APPL2: variants seen among roughly 807,000 people sequenced by gnomAD.
APPL2 encodes the protein DCC-interacting protein 13-beta.
Under a neutral mutation model 92.7 loss-of-function variants are expected in APPL2, and 84 were observed. The observed-to-expected ratio is 0.91, with a 90% CI of 0.76 to 1.09. The LOEUF is 1.09. Among genes scored for constraint, APPL2 ranks in the 50% least tolerant of loss-of-function variants. The probability of loss-of-function intolerance (pLI) is 0.00; values close to 1 mark genes in which losing one functional copy is unlikely to be tolerated. For synonymous variants in APPL2, 291 were observed against 291.0 expected (o/e 1.00, Z 0.00); for missense variants, 736 against 824.5 (o/e 0.89, Z 1.31).
At chr12:105,221,225 G>A (rs76168880) in intron 2 of APPL2, among the ~76,000 whole-genome samples, 77 of 152,290 alleles carry the variant, frequency 5.1e-4, no homozygotes, top group South Asian at 1.2e-3. Context: ...ACTGGAGCCC[G>A]AGTGAGGAGT....
Position 105,177,226 on chromosome 12 carries a change from A to G in APPL2, c.1671T>C (p.Asn557=). 3.7e-6 allele frequency: 6 copies of G among 1,613,988 alleles called. No individual in the cohort carries two copies. Among genetic ancestry groups the G allele is most frequent in the East Asian group, 2.2e-5 (1 of 44,866 alleles). ...ACATGAACCTGTATGCGGTACTTAC[A>G]TTGGCCCTTGATACTTGAGTCTGTG... ...IDPQTQVSRA[N]FELTSVTQFA... The change falls in exon 18 of 21, where the codon AAT becomes AAC. Residue 557 remains asparagine (N), a splice_region_variant and synonymous_variant. Coordinates refer to ENST00000258530, the MANE Select transcript of APPL2 (RefSeq NM_018171.5).
At chr12:105,206,084 T>C (rs1354954904) in intron 8 of APPL2, among the ~76,000 whole-genome samples, 1 of 152,252 alleles carries the variant, frequency 6.6e-6, no homozygotes, top group African/African-American at 2.4e-5. Context: ...CCATTTGCCC[T>C]GAGAGTACTG....
chr12:105,189,710 T>C, intron 16 of APPL2, 62 bp downstream of exon 16: 2 of 1,519,166 alleles, frequency 1.3e-6, no homozygotes, highest in Admixed American at 1.7e-5. Flanking sequence ...TCACATCTTA[T>C]TTCAATGGCC....
chr12:105,210,937 C>T lies in APPL2; in HGVS notation c.373+293G>A, dbSNP rs535550947. ...AGATCACCTTCTTCAGGAAGCCGTC[C>T]CTAGCACGCCTTTCTGTGTGCTGTT... On this transcript the variant is annotated intron_variant, in intron 5 of 20. Coordinates refer to ENST00000258530, the MANE Select transcript of APPL2 (RefSeq NM_018171.5). Among the ~76,000 whole-genome samples the T allele has an allele frequency of 1.0e-3, 158 of 152,252 alleles. 3 individuals are homozygous for T. The highest frequency in any genetic ancestry group is 6.8e-3 in the Middle Eastern group (2 of 294).
intron 17 of APPL2, among the ~76,000 whole-genome samples, chr12:105,183,634 T>C (rs575567949): frequency 6.6e-6 from 1 of 152,346 alleles, no homozygotes; most frequent in South Asian, 2.1e-4. Context: ...CCGCCGTTAG[T>C]CTGATGGGTT....
chr12:105,236,121 G>A lies in APPL2; in HGVS notation c.-109C>T, dbSNP rs897809148. The A allele has an allele frequency of 9.3e-5, 75 of 802,424 alleles. No individual in the cohort carries two copies. In the African/African-American group the frequency reaches 1.3e-3, roughly 14 times the overall value. 49.7% of individuals were successfully genotyped at this position (802,424 alleles called of 1,614,324 possible). ...GCTCAGGCGACGCGGCGGCCACTCC[G>A]TGCCCGCGGCGGCCCCGCGCGCGTC... On this transcript the variant is annotated 5_prime_UTR_variant, in exon 1 of 21. In the 5' UTR this introduces an upstream ATG that the reference lacks. Transcript: ENST00000258530.
At chr12:105,188,558 C>A in intron 16 of APPL2, 111 bp from the exon 17 acceptor site, 1 of 1,154,706 alleles carries the variant, frequency 8.7e-7, no homozygotes, top group Non-Finnish European at 1.2e-6. Flanking sequence ...GGACTTTCTA[C>A]CAAAATTTCT....
At chr12:105,195,374 T>A (rs1887550067) in intron 13 of APPL2, 25 bp from the exon 14 acceptor site, 1 of 1,614,074 alleles carries the variant, frequency 6.2e-7, no homozygotes, top group Non-Finnish European at 8.5e-7. Context: ...GAAGACACAC[T>A]CAGTCCCAGG....
intron 19 of APPL2, 131 bp downstream of exon 19, chr12:105,176,745 A>T: frequency 8.5e-7 from 1 of 1,182,474 alleles, no homozygotes; most frequent in East Asian, 2.4e-5. Flanking sequence ...CTTAGGAGGT[A>T]TTATCTGAAC....
At chr12:105,196,986 C>A (rs1251961881) in intron 11 of APPL2, among the ~76,000 whole-genome samples, 6 of 152,074 alleles carry the variant, frequency 3.9e-5, no homozygotes, top group Non-Finnish European at 7.4e-5. Context: ...AGACATCATC[C>A]CAATGCCGTC....
intron 17 of APPL2, among the ~76,000 whole-genome samples, chr12:105,178,614 A>G (rs903930404): frequency 5.9e-5 from 9 of 152,162 alleles, no homozygotes; most frequent in African/African-American, 2.2e-4. Flanking sequence ...CGTAAGACTT[A>G]TAATCAGAGA....
intron 12 of APPL2, 27 bp from the exon 13 acceptor site, chr12:105,195,528 T>C (rs367847583): frequency 1.1e-5 from 18 of 1,614,074 alleles, no homozygotes; most frequent in African/African-American, 5.3e-5. Flanking sequence ...AAAAGAACAC[T>C]GAATCCCAAA....
In APPL2 at chr12:105,174,375, TC is replaced by T; in HGVS notation, c.1933del (p.Asp645IlefsTer38). 1.2e-6 allele frequency: 2 copies of T among 1,614,056 alleles called. No homozygotes were observed. The highest frequency in any genetic ancestry group is 1.7e-6 in the Non-Finnish European group (2 of 1,179,920). On this transcript the variant is annotated frameshift_variant, in exon 21 of 21. Coordinates refer to ENST00000258530, the MANE Select transcript of APPL2 (RefSeq NM_018171.5). LOFTEE classifies it high-confidence loss of function. ...ATTTCCATCATCGTCATCTGGTTGA[TC>T]GTTTAACAGTACATATTTTCCGTCA... ...TNDGKYVLLN[D>X]QPDDDDGNPN...
chr12:105,226,938 C>A (rs1399940101), intron 2 of APPL2, among the ~76,000 whole-genome samples: 2 of 151,900 alleles, frequency 1.3e-5, no homozygotes, highest in East Asian at 3.9e-4. Flanking sequence ...CATAGTAGGA[C>A]CTTATCTCTA....
chr12:105,195,876 G>A (rs1218192881), intron 11 of APPL2, among the ~76,000 whole-genome samples: 1 of 151,994 alleles, frequency 6.6e-6, no homozygotes, highest in Non-Finnish European at 1.5e-5. Flanking sequence ...GCAACATGGT[G>A]AAACCCCCTC....
chr12:105,174,172 G>T lies in APPL2; in HGVS notation c.*142C>A. The T allele has an allele frequency of 9.9e-7, 1 of 1,007,604 alleles. No individual in the cohort carries two copies. Among genetic ancestry groups the T allele is most frequent in the Non-Finnish European group, 1.4e-6 (1 of 709,802 alleles). 62.4% of individuals were successfully genotyped at this position (1,007,604 alleles called of 1,614,324 possible). ...TTCTTAGTTTCCCTCCCAAGTCTCAGTATCAAGGCATCAAGATTACATTCC... is the reference window on the plus strand; with the variant it reads ...TTCTTAGTTTCCCTCCCAAGTCTCATTATCAAGGCATCAAGATTACATTCC... On this transcript the variant is annotated 3_prime_UTR_variant, in exon 21 of 21. Transcript: ENST00000258530.
rs766932250 is a variant in APPL2, at chr12:105,190,164, G to GAA, written c.1242-11_1242-10dup. 1 of 1,608,578 alleles carries GAA rather than the reference G, an allele frequency of 6.2e-7. No individual in the cohort carries two copies. Among genetic ancestry groups the GAA allele is most frequent in the Non-Finnish European group, 8.5e-7 (1 of 1,178,472 alleles). ...AATTTTTCAGGTTCTGGCTGAAGGG[G>GAA]AAAAAAATCAATTCCCTTAACCTTA... On this transcript the variant is annotated splice_polypyrimidine_tract_variant and intron_variant, in intron 14 of 20. Coordinates refer to ENST00000258530, the MANE Select transcript of APPL2 (RefSeq NM_018171.5).
At chr12:105,183,648 C>A (rs1161878637) in intron 17 of APPL2, among the ~76,000 whole-genome samples, 2 of 152,162 alleles carry the variant, frequency 1.3e-5, no homozygotes, top group Admixed American at 1.3e-4. Context: ...ATGGGTTTCC[C>A]TTTGTGGGTA....
rs755185513 is a variant in APPL2, at chr12:105,188,105, G to A, written c.1634+168C>T. Among the ~76,000 whole-genome samples the A allele has an allele frequency of 4.6e-5, 7 of 152,158 alleles. No individual in the cohort carries two copies. The East Asian group carries it at 1.3e-3, about 29-fold the overall frequency. On this transcript the variant is annotated intron_variant, in intron 17 of 20. Coordinates refer to ENST00000258530, the MANE Select transcript of APPL2 (RefSeq NM_018171.5). ...TGGATTTTTGAAGATACCAGTTCTT[G>A]TCTCTAAGGGAGCACTTTCTAGGCT...
Sources: gnomAD v4.1 joint callset for allele counts (sites outside exome capture counted in the v4.1 genomes callset) on GRCh38, gnomAD v4.1.1 for gene constraint, MANE v1.5 for transcripts, NCBI Gene and HGNC (gene_info 2026-07-23, HGNC 2026-07-21) for gene names.